Variants in PPP2R2B observed in about 807,000 individuals in gnomAD.
PPP2R2B encodes serine/threonine-protein phosphatase 2A 55 kDa regulatory subunit B beta isoform.
PPP2R2B carries 5 observed loss-of-function variants against 46.0 expected under a neutral mutation model. The ratio of observed to expected loss-of-function variants is 0.11; its 90% CI spans 0.06 to 0.23. The LOEUF (loss-of-function observed/expected upper bound fraction) is 0.23. PPP2R2B is among the 10% of genes least tolerant of loss of function. PPP2R2B has a pLI of 1.00. For synonymous variants in PPP2R2B, 215 were observed against 206.7 expected, an observed-to-expected ratio of 1.04 and a Z score of -0.34; for missense variants, 367 against 575.0, an observed-to-expected ratio of 0.64 and a Z score of 3.70.
intron 2 of PPP2R2B, among the ~76,000 whole-genome samples, chr5:146,845,834 C>A (rs1014879930): frequency 6.6e-6 from 1 of 152,150 alleles, no homozygotes; most frequent in Non-Finnish European, 1.5e-5. Flanking sequence ...ATTCCTCCAG[C>A]AAGTGTAAAT....
At chr5:146,746,453 C>G (rs1324552525) in intron 2 of PPP2R2B, among the ~76,000 whole-genome samples, 1 of 152,028 alleles carries the variant, frequency 6.6e-6, no homozygotes, top group Non-Finnish European at 1.5e-5. Context: ...AATCAGAGGC[C>G]AGAAAGTTGA....
At chr5:146,740,737 T>A (rs1752825418) in intron 2 of PPP2R2B, among the ~76,000 whole-genome samples, 1 of 152,064 alleles carries the variant, frequency 6.6e-6, no homozygotes, top group African/African-American at 2.4e-5. Flanking sequence ...ATGAGCATAT[T>A]TTTTCACAGA....
At chr5:147,005,232 A>C (rs1754380646) in intron 1 of PPP2R2B, among the ~76,000 whole-genome samples, 1 of 152,136 alleles carries the variant, frequency 6.6e-6, no homozygotes, top group African/African-American at 2.4e-5. Context: ...CCTGACCTTA[A>C]CCTATATACC....
chr5:147,057,777 G>A (rs1757135919), upstream of PPP2R2B, among the ~76,000 whole-genome samples: 1 of 152,176 alleles, frequency 6.6e-6, no homozygotes, highest in Non-Finnish European at 1.5e-5. Context: ...CAGTTAGACA[G>A]CCAGGGTTTA....
chr5:146,961,430 T>C (rs1752169182), intron 1 of PPP2R2B, among the ~76,000 whole-genome samples: 1 of 152,182 alleles, frequency 6.6e-6, no homozygotes, highest in Admixed American at 6.5e-5. Flanking sequence ...CAAAAAAGTG[T>C]CTATTTTGCT....
chr5:146,759,453 T>A (rs1754027283), intron 2 of PPP2R2B, among the ~76,000 whole-genome samples: 2 of 152,322 alleles, frequency 1.3e-5, no homozygotes, highest in South Asian at 4.1e-4. Flanking sequence ...AAAGGCACAT[T>A]ACTGACATGT....
chr5:146,729,580 C>T (rs1752104993), intron 2 of PPP2R2B, among the ~76,000 whole-genome samples: 2 of 152,200 alleles, frequency 1.3e-5, no homozygotes, highest in South Asian at 4.1e-4. Context: ...AAAGTGGTTT[C>T]CAGGACTGGG....
chr5:146,911,088 C>CTTGTCTT (rs760723260), intron 1 of PPP2R2B, among the ~76,000 whole-genome samples: 2,600 of 142,154 alleles, frequency 0.018, 87 homozygotes, highest in East Asian at 0.062. Context: ...TAGACACTTT[C>CTTGTCTT]TTTTTTTTTT....
At chr5:146,842,373 T>G in intron 2 of PPP2R2B, among the ~76,000 whole-genome samples, 1 of 146,516 alleles carries the variant, frequency 6.8e-6, no homozygotes. Flanking sequence ...ATTCTAAATC[T>G]ACCACAGTCA....
intron 5 of PPP2R2B, among the ~76,000 whole-genome samples, chr5:146,684,829 G>T (rs1473312494): frequency 6.6e-6 from 1 of 152,140 alleles, no homozygotes; most frequent in South Asian, 2.1e-4. Context: ...TCTGGGAGGG[G>T]CCTTGTCAAA....
At chr5:146,599,252 C>T (rs1240584075) in intron 8 of PPP2R2B, among the ~76,000 whole-genome samples, 1 of 152,150 alleles carries the variant, frequency 6.6e-6, no homozygotes, top group African/African-American at 2.4e-5. Flanking sequence ...AAATCCAAAA[C>T]TTCCACACAG....
intron 1 of PPP2R2B, among the ~76,000 whole-genome samples, chr5:146,915,446 G>GTACA (rs746208672): frequency 2.3e-5 from 3 of 130,994 alleles, no homozygotes; most frequent in Non-Finnish European, 4.7e-5. Flanking sequence ...TTCTACCTAT[G>GTACA]TACACACACA....
chr5:146,836,478 T>C (rs1456796509), intron 2 of PPP2R2B, among the ~76,000 whole-genome samples: 2 of 152,196 alleles, frequency 1.3e-5, no homozygotes, highest in Non-Finnish European at 2.9e-5. Flanking sequence ...ACTCCACTTG[T>C]ATTTTGTAAA....
At chr5:146,803,771 A>C (rs1314681313) in intron 2 of PPP2R2B, among the ~76,000 whole-genome samples, 1 of 152,182 alleles carries the variant, frequency 6.6e-6, no homozygotes, top group African/African-American at 2.4e-5. Flanking sequence ...GTTTTTGGCA[A>C]ATTATTTTGC....
chr5:146,918,656 A>G (rs1763482138), intron 1 of PPP2R2B, among the ~76,000 whole-genome samples: 2 of 152,096 alleles, frequency 1.3e-5, no homozygotes, highest in Middle Eastern at 3.2e-3. Context: ...CCCTTTCTGG[A>G]TGGGTCTGGT....
At chr5:146,691,679 G>A (rs376986593) in intron 4 of PPP2R2B, among the ~76,000 whole-genome samples, 51 of 152,072 alleles carry the variant, frequency 3.4e-4, no homozygotes, top group African/African-American at 1.2e-3. Context: ...TCCTTACCAT[G>A]TCCTAAAAGG....
intron 3 of PPP2R2B, among the ~76,000 whole-genome samples, chr5:146,699,661 G>GGT (rs1779418281): frequency 8.5e-6 from 1 of 118,056 alleles, no homozygotes; most frequent in Non-Finnish European, 1.7e-5. Flanking sequence ...AACTTAATTG[G>GGT]TTTTTTTTTT....
intron 1 of PPP2R2B, among the ~76,000 whole-genome samples, chr5:146,958,645 A>G (rs1325350880): frequency 6.6e-6 from 1 of 152,212 alleles, no homozygotes; most frequent in Non-Finnish European, 1.5e-5. Flanking sequence ...CAGAGAGGTT[A>G]TGTAACTTAT....
At chr5:146,881,476 G>A (rs1313643331), upstream of PPP2R2B, among the ~76,000 whole-genome samples, 1 of 151,942 alleles carries the variant, frequency 6.6e-6, no homozygotes, top group Admixed American at 6.6e-5. Context: ...GCAGTGACAC[G>A]ATCAAGGCTC....
Sources: gnomAD v4.1 joint callset for allele counts (sites outside exome capture counted in the v4.1 genomes callset) on GRCh38, gnomAD v4.1.1 for gene constraint, MANE v1.5 for transcripts, NCBI Gene and HGNC (gene_info 2026-07-23, HGNC 2026-07-21) for gene names.